Variants in ROS1 observed in about 807,000 individuals in gnomAD.
ROS1 encodes the protein ROS proto-oncogene 1, receptor tyrosine kinase, also known as proto-oncogene tyrosine-protein kinase ROS.
ROS1 carries 263 observed loss-of-function variants against 273.5 expected under a neutral mutation model. The ratio of observed to expected loss-of-function variants is 0.96; its 90% confidence interval spans 0.87 to 1.06. The LOEUF is 1.06. Among genes scored for constraint, ROS1 ranks in the 50% least tolerant of loss-of-function variants. ROS1 has a pLI of 0.00. For missense variants in ROS1, 2,833 were observed against 2,751.1 expected (o/e 1.03, Z -0.67); for synonymous variants, 1,008 against 954.1 (o/e 1.06, Z -1.04).
At chr6:117,376,834 C>T (rs1781367051) in intron 18 of ROS1, among the ~76,000 whole-genome samples, 1 of 151,994 alleles carries the variant, frequency 6.6e-6, no homozygotes, top group Non-Finnish European at 1.5e-5. Context: ...ATTCATTCTT[C>T]CTAAACTGAA....
intron 42 of ROS1, among the ~76,000 whole-genome samples, chr6:117,307,410 AC>A (rs1417475516): frequency 6.6e-6 from 1 of 152,208 alleles, no homozygotes; most frequent in African/African-American, 2.4e-5. Context: ...TGAGTGTTTG[AC>A]AGAGGTGTAA....
chr6:117,399,422 A>T (rs530361708), intron 7 of ROS1, among the ~76,000 whole-genome samples: 1 of 152,368 alleles, frequency 6.6e-6, no homozygotes, highest in African/African-American at 2.4e-5. Context: ...AATAATCAGC[A>T]GAGGTGGCCA....
chr6:117,413,296 C>G (rs931830565), intron 4 of ROS1, among the ~76,000 whole-genome samples: 5 of 152,120 alleles, frequency 3.3e-5, no homozygotes, highest in African/African-American at 1.2e-4. Flanking sequence ...GACAGTCGTG[C>G]TATGTTTCCC....
At chr6:117,377,442 C>G (rs1781429797) in intron 18 of ROS1, among the ~76,000 whole-genome samples, 1 of 152,024 alleles carries the variant, frequency 6.6e-6, no homozygotes, top group Middle Eastern at 3.4e-3. Context: ...CCCAAAGCAA[C>G]TAAATAAAGA....
At position 117,365,101 on chromosome 6, in the gene ROS1, T is replaced by C; in HGVS notation, c.3062A>G (p.Lys1021Arg). Reference sequence around the variant, plus strand: ...AAGTGACAGAGATGTTTTGGGGCCCTTTCCCCAGTAGGTATAAGGAGTGAC... The same window carrying C: ...AAGTGACAGAGATGTTTTGGGGCCCCTTCCCCAGTAGGTATAAGGAGTGAC... ...LSVTPYTYWGKGPKTSLSLRA... is the reference protein window; with the variant it reads ...LSVTPYTYWGRGPKTSLSLRA... The change falls in exon 21 of 44, where the codon AAG becomes AGG. Residue 1021 changes from lysine to arginine, a missense_variant. Physicochemically the swap from Lys to Arg is conservative, Grantham distance 26. Transcript: ENST00000368507. 1.2e-6 allele frequency: 2 copies of C among 1,613,468 alleles called. No individual in the cohort carries two copies. The highest frequency in any genetic ancestry group is 2.7e-5 in the African/African-American group (2 of 75,028).
chr6:117,424,155 A>G (rs577136989), intron 1 of ROS1, among the ~76,000 whole-genome samples: 6 of 152,318 alleles, frequency 3.9e-5, no homozygotes, highest in Admixed American at 3.3e-4. Flanking sequence ...TAGCAGGGAA[A>G]TTAACAAATA....
Position 117,365,651 on chromosome 6 carries a change from A to T in ROS1, c.2888T>A (p.Leu963Gln). 1 of 1,613,030 alleles carries T rather than the reference A, an allele frequency of 6.2e-7. No individual in the cohort carries two copies. The highest frequency in any genetic ancestry group is 8.5e-7 in the Non-Finnish European group (1 of 1,179,244). ...GTCTACCGCAGGGGGACCATTCCAC[A>T]GGATTTGAAAACTTGAAGCATTTCC... ...IEGNASSFQILWNGPPAVDWG... is the reference protein window; with the variant it reads ...IEGNASSFQIQWNGPPAVDWG... Residue 963 changes from leucine to glutamine, a missense_variant, in exon 20 of 44, where the codon CTG becomes CAG. By Grantham distance (113) the Leu-to-Gln change is moderately radical. Coordinates refer to ENST00000368507, the MANE Select transcript of ROS1 (RefSeq NM_001378902.1).
intron 34 of ROS1, among the ~76,000 whole-genome samples, chr6:117,326,001 T>C (rs1307255916): frequency 6.6e-6 from 1 of 150,834 alleles, no homozygotes; most frequent in East Asian, 1.9e-4. Context: ...TGGCTGATTA[T>C]TATTGGGGAG....
intron 24 of ROS1, among the ~76,000 whole-genome samples, chr6:117,358,390 A>G (rs1232317421): frequency 6.6e-6 from 1 of 152,110 alleles, no homozygotes; most frequent in Non-Finnish European, 1.5e-5. Context: ...TGGATTTCCA[A>G]CACCACCCAA....
intron 18 of ROS1, among the ~76,000 whole-genome samples, chr6:117,376,632 G>T (rs934528485): frequency 1.3e-5 from 2 of 151,794 alleles, no homozygotes; most frequent in Non-Finnish European, 2.9e-5. Context: ...TGAACATTTA[G>T]AAAATGGAAT....
In ROS1 at chr6:117,389,356, C is replaced by T. The variant is rs1772855734; in HGVS notation, c.1780G>A (p.Gly594Arg). 6.2e-7 allele frequency: 1 copy of T among 1,612,396 alleles called. No individual in the cohort carries two copies. Among genetic ancestry groups the T allele is most frequent in the Non-Finnish European group, 8.5e-7 (1 of 1,179,132 alleles). ...CTGGGGACAGAGCACTCACTGGCTC[C>T]TATGGCAAGGGCAGGAGGCTTCCAT... ...VQWKPPALAIGASPSAWQNWT... is the reference protein window; with the variant it reads ...VQWKPPALAIRASPSAWQNWT... Residue 594 changes from glycine to arginine, a missense_variant, in exon 13 of 44, where the codon GGA becomes AGA. Physicochemically the swap from Gly to Arg is moderately radical, Grantham distance 125 (BLOSUM62 -2). Coordinates refer to ENST00000368507, the MANE Select transcript of ROS1 (RefSeq NM_001378902.1).
At chr6:117,304,990 A>G (rs1181989127) in intron 42 of ROS1, among the ~76,000 whole-genome samples, 1 of 152,104 alleles carries the variant, frequency 6.6e-6, no homozygotes, top group African/African-American at 2.4e-5. Context: ...CCATGATTGT[A>G]AGCTTCCTGA....
intron 42 of ROS1, among the ~76,000 whole-genome samples, chr6:117,305,412 A>G (rs1282074984): frequency 1.3e-5 from 2 of 152,218 alleles, no homozygotes; most frequent in African/African-American, 4.8e-5. Context: ...CCAAAAGTTC[A>G]GCCTCTTGTT....
chr6:117,398,970 T>TA (rs75429700), intron 7 of ROS1, among the ~76,000 whole-genome samples: 7,901 of 134,468 alleles, frequency 0.059, 269 homozygotes, highest in Non-Finnish European at 0.076. Context: ...GACTCTGTCT[T>TA]AAAAAAAAAA....
intron 1 of ROS1, among the ~76,000 whole-genome samples, chr6:117,419,235 C>A (rs1267886694): frequency 6.6e-6 from 1 of 152,148 alleles, no homozygotes; most frequent in Non-Finnish European, 1.5e-5. Context: ...TGGAACACTG[C>A]CTGCTAGAAA....
intron 39 of ROS1, among the ~76,000 whole-genome samples, chr6:117,311,397 T>G (rs111617088): frequency 5.3e-5 from 8 of 152,246 alleles, no homozygotes; most frequent in African/African-American, 1.9e-4. Flanking sequence ...GTCAGACAGA[T>G]CGAGATGTGA....
chr6:117,387,991 G>C lies in ROS1; in HGVS notation c.1788C>G (p.Ser596Arg), dbSNP rs748097762. ...WKPPALAIGA[S>R]PSAWQNWTYE... ...AGGTCCAGTTCTGCCAGGCAGAAGG[G>C]CCTAATTCAAAGAGTTCAATAATAT... Residue 596 changes from serine to arginine, a missense_variant and splice_region_variant, in exon 14 of 44, where the codon AGC (serine) becomes AGG (arginine). Coordinates refer to ENST00000368507, the MANE Select transcript of ROS1 (RefSeq NM_001378902.1). The C allele has an allele frequency of 7.4e-6, 12 of 1,614,090 alleles. No homozygotes were observed. The highest frequency in any genetic ancestry group is 1.0e-5 in the Non-Finnish European group (12 of 1,179,964).
chr6:117,404,519 C>G, intron 5 of ROS1, 91 bp from the exon 6 acceptor site: 1 of 1,200,452 alleles, frequency 8.3e-7, no homozygotes, highest in Non-Finnish European at 1.2e-6. Context: ...TCTCCGTATT[C>G]TCTTGCTAAA....
In ROS1 at chr6:117,341,280, C is replaced by T. The variant is rs765262539; in HGVS notation, c.4916G>A (p.Cys1639Tyr). The change falls in exon 31 of 44, where the codon TGT (cysteine) becomes TAT (tyrosine). Residue 1639 changes from cysteine (C) to tyrosine (Y), a missense_variant. By Grantham distance (194) the Cys-to-Tyr change is radical. Coordinates refer to ENST00000368507, the MANE Select transcript of ROS1 (RefSeq NM_001378902.1). ...VLACHSEEMW[C>Y]TESHPVTVEM... Reference sequence around the variant, plus strand: ...CACAGTGACAGGATGACTCTCTGTACACCACATTTCCTCAGAGTGGCAGGC... The same window carrying T: ...CACAGTGACAGGATGACTCTCTGTATACCACATTTCCTCAGAGTGGCAGGC... 3.1e-6 allele frequency: 5 copies of T among 1,613,358 alleles called. No homozygotes were observed. The Middle Eastern group carries it at 5.0e-4, about 160-fold the overall frequency.
Sources: gnomAD v4.1 joint callset for allele counts (sites outside exome capture counted in the v4.1 genomes callset) on GRCh38, gnomAD v4.1.1 for gene constraint, MANE v1.5 for transcripts, NCBI Gene and HGNC (gene_info 2026-07-23, HGNC 2026-07-21) for gene names.